Variants in KHDRBS2 observed in about 807,000 individuals in gnomAD.
KHDRBS2 encodes the protein KH RNA binding domain containing, signal transduction associated 2, also known as KH domain-containing, RNA-binding, signal transduction-associated protein 2.
In KHDRBS2, 26 loss-of-function variants were observed where a neutral mutation model predicts 44.3. The observed-to-expected ratio is 0.59, with a 90% CI of 0.43 to 0.81. KHDRBS2 has a LOEUF of 0.81. Among genes scored for constraint, KHDRBS2 ranks in the 40% least tolerant of loss-of-function variants. The probability of loss-of-function intolerance (pLI) is 0.00; values close to 1 mark genes in which losing one functional copy is unlikely to be tolerated. For synonymous variants in KHDRBS2, 194 were observed against 151.1 expected (o/e 1.28, Z -2.08); for missense variants, 476 against 433.1 (o/e 1.10, Z -0.88).
rs1835569318 is a variant in KHDRBS2 at position 62,246,318 on chromosome 6, ACATAATTT to A, written c.91+39532_91+39539del. Among the ~76,000 whole-genome samples, 7 of 152,008 alleles carry A rather than the reference ACATAATTT, an allele frequency of 4.6e-5. No homozygotes were observed. In the South Asian group the frequency reaches 1.5e-3, roughly 32 times the overall value. ...CAAATTATATAGGCTAGCTGGACTTACATAATTTTGTATGTCACAAAACATATTTTCTC... is the reference window on the plus strand; with the variant it reads ...CAAATTATATAGGCTAGCTGGACTTATGTATGTCACAAAACATATTTTCTC... On this transcript the variant is annotated intron_variant, in intron 1 of 8. Coordinates refer to ENST00000281156, the MANE Select transcript of KHDRBS2 (RefSeq NM_152688.4).
chr6:61,954,362 CATAT>C (rs1765496772), intron 4 of KHDRBS2, among the ~76,000 whole-genome samples: 1 of 61,832 alleles, frequency 1.6e-5, no homozygotes, highest in Admixed American at 2.1e-4. Context: ...TGTATGCATA[CATAT>C]ATACGTATGT....
intron 1 of KHDRBS2, among the ~76,000 whole-genome samples, chr6:62,247,252 GT>G (rs1563130953): frequency 6.6e-6 from 1 of 151,898 alleles, no homozygotes; most frequent in Non-Finnish European, 1.5e-5. Context: ...ACATAATTGT[GT>G]TTTTTGCCAT....
At chr6:61,648,567 G>A in the KHDRBS2 span, among the ~76,000 whole-genome samples, 2 of 152,028 alleles carry the variant, frequency 1.3e-5, no homozygotes, top group Non-Finnish European at 2.9e-5. Context: ...ATGAACACAC[G>A]TTCTGCCTCC....
chr6:61,703,732 T>C (rs1409171451), intron 7 of KHDRBS2, among the ~76,000 whole-genome samples: 2 of 151,334 alleles, frequency 1.3e-5, no homozygotes, highest in Non-Finnish European at 3.0e-5. Flanking sequence ...CACATGTAGA[T>C]ATATCAACTC....
At position 61,945,134 on chromosome 6, in the gene KHDRBS2, T is replaced by C. The variant is rs1306412579; in HGVS notation, c.483+32932A>G. Among the ~76,000 whole-genome samples, 4 of 100,320 alleles carry C rather than the reference T, an allele frequency of 4.0e-5. No individual in the cohort carries two copies. The East Asian group carries it at 9.7e-4, about 24-fold the overall frequency. 65.8% of individuals were successfully genotyped at this position (100,320 alleles called of 152,430 possible). A position where few individuals can be genotyped will look rare whatever the true frequency, so the allele number is the denominator to read the frequency against. On this transcript the variant is annotated intron_variant, in intron 4 of 8. Transcript: ENST00000281156. ...AAAAGTATATATATATATATATATA[T>C]ATATATATATATATATACACACAGA...
At chr6:62,053,941 G>C (rs1178975572) in intron 2 of KHDRBS2, among the ~76,000 whole-genome samples, 1 of 151,868 alleles carries the variant, frequency 6.6e-6, no homozygotes, top group Non-Finnish European at 1.5e-5. Flanking sequence ...TTTTTTAAAG[G>C]AGATACCATT....
At chr6:62,150,876 ATC>A (rs1273010584) in intron 2 of KHDRBS2, among the ~76,000 whole-genome samples, 3 of 152,186 alleles carry the variant, frequency 2.0e-5, no homozygotes, top group South Asian at 4.1e-4. Flanking sequence ...CAACTGACAG[ATC>A]TCTGTCTTGT....
intron 6 of KHDRBS2, among the ~76,000 whole-genome samples, chr6:61,860,877 A>G (rs958078783): frequency 6.6e-6 from 1 of 152,090 alleles, no homozygotes. Context: ...TCTCGACAGC[A>G]TCTGTTCTTT....
chr6:62,158,695 G>A (rs1816979929), intron 2 of KHDRBS2, among the ~76,000 whole-genome samples: 1 of 152,126 alleles, frequency 6.6e-6, no homozygotes, highest in South Asian at 2.1e-4. Flanking sequence ...GAGAGAACTT[G>A]AGAGTAGGAA....
chr6:61,895,798 G>T (rs1787372573), intron 5 of KHDRBS2, among the ~76,000 whole-genome samples: 1 of 152,172 alleles, frequency 6.6e-6, no homozygotes, highest in Non-Finnish European at 1.5e-5. Context: ...TCATTGAGAT[G>T]TCAACAATCA....
the KHDRBS2 span, among the ~76,000 whole-genome samples, chr6:61,544,670 T>A: frequency 2.0e-5 from 3 of 152,146 alleles, no homozygotes; most frequent in Admixed American, 6.6e-5. Context: ...AGTAAGGAGT[T>A]CTTTACAAAA....
chr6:61,748,691 T>C (rs1172936686), intron 6 of KHDRBS2, among the ~76,000 whole-genome samples: 1 of 152,176 alleles, frequency 6.6e-6, no homozygotes, highest in East Asian at 1.9e-4. Flanking sequence ...ATTGCTGTAT[T>C]ATTCTATTAA....
chr6:61,544,782 G>T, the KHDRBS2 span, among the ~76,000 whole-genome samples: 2 of 152,044 alleles, frequency 1.3e-5, no homozygotes, highest in Non-Finnish European at 2.9e-5. Flanking sequence ...CCTTTGTAGG[G>T]ACATGGATGA....
intron 4 of KHDRBS2, among the ~76,000 whole-genome samples, chr6:61,918,648 T>C (rs147714772): frequency 2.6e-5 from 4 of 152,088 alleles, no homozygotes; most frequent in Admixed American, 2.0e-4. Flanking sequence ...ACCCAGTCTA[T>C]AGTGTTCCGT....
At chr6:62,227,567 A>G (rs1832109858) in intron 1 of KHDRBS2, among the ~76,000 whole-genome samples, 1 of 152,228 alleles carries the variant, frequency 6.6e-6, no homozygotes, top group African/African-American at 2.4e-5. Flanking sequence ...TATATTGAAT[A>G]GGAGCAGTAA....
intron 7 of KHDRBS2, among the ~76,000 whole-genome samples, chr6:61,724,140 G>A (rs921845044): frequency 2.6e-5 from 4 of 152,134 alleles, no homozygotes; most frequent in African/African-American, 9.7e-5. Flanking sequence ...CTATAAGCCA[G>A]GAGAGATTGG....
chr6:61,900,511 T>C (rs1803780808), intron 5 of KHDRBS2, among the ~76,000 whole-genome samples: 1 of 152,150 alleles, frequency 6.6e-6, no homozygotes, highest in African/African-American at 2.4e-5. Context: ...ATGCCTTCTA[T>C]TAAAAGCTTG....
At chr6:61,975,298 C>A (rs1583900671) in intron 4 of KHDRBS2, among the ~76,000 whole-genome samples, 1 of 152,106 alleles carries the variant, frequency 6.6e-6, no homozygotes, top group Non-Finnish European at 1.5e-5. Context: ...CAGAGTCTTG[C>A]CCTATATAAG....
intron 4 of KHDRBS2, among the ~76,000 whole-genome samples, chr6:61,954,980 A>G (rs867423461): frequency 1.5e-5 from 1 of 65,390 alleles, no homozygotes; most frequent in Non-Finnish European, 2.9e-5. Flanking sequence ...ATACATATGT[A>G]TGTGTATACA....
Sources: gnomAD v4.1 joint callset for allele counts (sites outside exome capture counted in the v4.1 genomes callset) on GRCh38, gnomAD v4.1.1 for gene constraint, MANE v1.5 for transcripts, NCBI Gene and HGNC (gene_info 2026-07-23, HGNC 2026-07-21) for gene names.